SLC4A8: variants seen among roughly 807,000 people sequenced by gnomAD.
The protein encoded by SLC4A8 is solute carrier family 4 member 8.
Under a neutral mutation model 125.0 loss-of-function variants are expected in SLC4A8, and 40 were observed. The ratio of observed to expected loss-of-function variants is 0.32; its 90% CI spans 0.25 to 0.42. The LOEUF is 0.42. SLC4A8 is among the 10% of genes least tolerant of loss of function. The pLI, the probability that SLC4A8 is intolerant of heterozygous loss-of-function variation, is 1.00. For synonymous variants in SLC4A8, 456 were observed against 476.0 expected (o/e 0.96, Z 0.55); for missense variants, 863 against 1,355.1 (o/e 0.64, Z 5.70).
chr12:51,430,360 G>A (rs1466901976), intron 1 of SLC4A8, among the ~76,000 whole-genome samples: 3 of 152,068 alleles, frequency 2.0e-5, no homozygotes, highest in Non-Finnish European at 4.4e-5. Flanking sequence ...TACAGGGAGT[G>A]CGTCAACTTT....
In SLC4A8 at chr12:51,403,536, T is replaced by C. The variant is rs540811549; in HGVS notation, c.-112+12048T>C. Among the ~76,000 whole-genome samples, 3 of 152,252 alleles carry C rather than the reference T, an allele frequency of 2.0e-5. No individual in the cohort carries two copies. In the South Asian group the frequency reaches 6.2e-4, roughly 32 times the overall value. On this transcript the variant is annotated intron_variant, in intron 1 of 24. Coordinates refer to the SLC4A8 transcript ENST00000358657. ...TGAAACAAGGGTACATTTAGGTGGG[T>C]GGCTGCTGCTTCCCATGGCCTCTTG... is the stretch of plus-strand genomic sequence containing the variant.
intron 4 of SLC4A8, 36 bp from the exon 5 acceptor site, chr12:51,453,503 C>G (rs1565787231): frequency 1.2e-6 from 2 of 1,601,420 alleles, no homozygotes; most frequent in East Asian, 4.5e-5. Context: ...TCCTCATTTT[C>G]TATCTTTGGC....
chr12:51,428,452 T>C (rs2138051346), intron 1 of SLC4A8, among the ~76,000 whole-genome samples: 1 of 152,276 alleles, frequency 6.6e-6, no homozygotes, highest in Middle Eastern at 3.4e-3. Flanking sequence ...CAAGGTCTAG[T>C]CAGGATTGGC....
chr12:51,465,732 G>A (rs992933709), intron 11 of SLC4A8, among the ~76,000 whole-genome samples: 2 of 152,160 alleles, frequency 1.3e-5, no homozygotes, highest in Non-Finnish European at 2.9e-5. Context: ...AGGGCCTCAA[G>A]CCATATGACC....
chr12:51,481,854 G>A (rs1227267667), intron 16 of SLC4A8, among the ~76,000 whole-genome samples: 1 of 152,036 alleles, frequency 6.6e-6, no homozygotes, highest in Non-Finnish European at 1.5e-5. Flanking sequence ...CAGGAAGGCT[G>A]AGGTGGAAGG....
rs1378111907 is a variant in SLC4A8 at position 51,425,314 on chromosome 12, C to T, written c.48+279C>T. ...GCCCTGACAGCCGGCGGGCGGCGAC[C>T]TCTTGTTCTCCTCGCGTCTTTCTGT... On this transcript the variant is annotated intron_variant, in intron 1 of 24. Transcript: ENST00000453097. 12 of 1,269,216 alleles carry T rather than the reference C, an allele frequency of 9.5e-6. No homozygotes were observed. In the South Asian group the frequency reaches 2.2e-4, roughly 23 times the overall value. 78.6% of individuals were successfully genotyped at this position (1,269,216 alleles called of 1,614,324 possible).
rs577020397 is a variant in SLC4A8 at position 51,440,254 on chromosome 12, A to T, written c.49-454A>T. The stretch of plus-strand genomic sequence containing the variant: ...AGTGGGGAGGTGGAAAAGGCATGAG[A>T]TTTACAGCCACAAGACCTGGGCTCA... On this transcript the variant is annotated intron_variant, in intron 1 of 24. Coordinates refer to ENST00000453097, the MANE Select transcript of SLC4A8 (RefSeq NM_001039960.3). Among the ~76,000 whole-genome samples, 4 of 152,220 alleles carry T rather than the reference A, an allele frequency of 2.6e-5. No individual in the cohort carries two copies. The East Asian group carries it at 7.7e-4, about 29-fold the overall frequency.
In SLC4A8 at chr12:51,507,439, G is replaced by C. The variant is rs1474152958; in HGVS notation, c.*1G>C. The C allele has an allele frequency of 7.2e-7, 1 of 1,394,128 alleles. No individual in the cohort carries two copies. The highest frequency in any genetic ancestry group is 1.5e-5 in the African/African-American group (1 of 68,118). 86.4% of individuals were successfully genotyped at this position (1,394,128 alleles called of 1,614,324 possible). Reference sequence around the variant, plus strand: ...ACTTTTATTCAGTCTCTTCAACTAAGAGTCTTTGCTGGGATGGAAGATTTG... The same window carrying C: ...ACTTTTATTCAGTCTCTTCAACTAACAGTCTTTGCTGGGATGGAAGATTTG... On this transcript the variant is annotated 3_prime_UTR_variant, in exon 25 of 25. Coordinates refer to ENST00000453097, the MANE Select transcript of SLC4A8 (RefSeq NM_001039960.3).
At chr12:51,472,048 A>G (rs761391755) in intron 14 of SLC4A8, among the ~76,000 whole-genome samples, 3 of 152,210 alleles carry the variant, frequency 2.0e-5, no homozygotes, top group African/African-American at 7.2e-5. Context: ...ATAAAGATCC[A>G]GGAGCCTACT....
intron 16 of SLC4A8, among the ~76,000 whole-genome samples, chr12:51,478,944 A>ACC (rs1950938685): frequency 6.6e-6 from 1 of 151,448 alleles, no homozygotes; most frequent in African/African-American, 2.4e-5. Flanking sequence ...CCTGTGCCTC[A>ACC]TCTGCACAAT....
intron 7 of SLC4A8, 33 bp downstream of exon 7, chr12:51,458,683 C>T (rs993472898): frequency 1.4e-6 from 2 of 1,427,604 alleles, no homozygotes; most frequent in Non-Finnish European, 2.0e-6. Flanking sequence ...GGCTTCAAGG[C>T]CTAAGGTTCC....
chr12:51,477,194 A>G (rs1039676616), intron 16 of SLC4A8, among the ~76,000 whole-genome samples: 1 of 152,148 alleles, frequency 6.6e-6, no homozygotes, highest in African/African-American at 2.4e-5. Flanking sequence ...GTGAGCCACC[A>G]TGCCCAACCA....
At position 51,493,713 on chromosome 12, in the gene SLC4A8, A is replaced by G. The variant is rs770821198; in HGVS notation, c.2710A>G (p.Met904Val). ...GTCCTTTTGTCTTCAGTTTATTCCAATGCCAGTACTCTACGGAGTTTTCCT... is the reference window on the plus strand; with the variant it reads ...GTCCTTTTGTCTTCAGTTTATTCCAGTGCCAGTACTCTACGGAGTTTTCCT... ...FMTAILKFIP[M>V]PVLYGVFLYM... The change falls in exon 20 of 25, where the codon ATG becomes GTG. Residue 904 changes from methionine (M) to valine (V), a missense_variant. By Grantham distance (21) the Met-to-Val change is conservative. Transcript: ENST00000453097. The G allele has an allele frequency of 6.2e-7, 1 of 1,607,812 alleles. No homozygotes were observed. The highest frequency in any genetic ancestry group is 1.7e-5 in the Admixed American group (1 of 59,998).
chr12:51,424,433 G>C (rs565006578), upstream of SLC4A8: 1 of 152,748 alleles, frequency 6.5e-6, no homozygotes, highest in Non-Finnish European at 1.5e-5. Context: ...CTGGCCATTA[G>C]CTCAAGGAAA....
At chr12:51,430,290 G>T (rs967432984) in intron 1 of SLC4A8, among the ~76,000 whole-genome samples, 1 of 152,154 alleles carries the variant, frequency 6.6e-6, no homozygotes, top group Non-Finnish European at 1.5e-5. Flanking sequence ...CTAGTGCCCA[G>T]TGACTGTGGC....
chr12:51,441,727 T>C (rs1484639878), intron 2 of SLC4A8, among the ~76,000 whole-genome samples: 1 of 152,252 alleles, frequency 6.6e-6, no homozygotes, highest in African/African-American at 2.4e-5. Flanking sequence ...CTGTACTGCC[T>C]GTTCCCGTGA....
intron 1 of SLC4A8, among the ~76,000 whole-genome samples, chr12:51,395,675 C>T (rs1183348365): frequency 6.6e-6 from 1 of 152,128 alleles, no homozygotes; most frequent in Admixed American, 6.5e-5. Flanking sequence ...CGTGAACTTG[C>T]CAAGGAGGTT....
intron 16 of SLC4A8, chr12:51,480,251 G>T: frequency 6.3e-6 from 8 of 1,268,490 alleles, no homozygotes; most frequent in Non-Finnish European, 8.2e-6. Flanking sequence ...CTTTATTTCA[G>T]ATTGAGAGTT....
intron 1 of SLC4A8, among the ~76,000 whole-genome samples, chr12:51,398,133 A>G (rs1237275810): frequency 6.6e-6 from 1 of 152,186 alleles, no homozygotes; most frequent in African/African-American, 2.4e-5. Context: ...CTGTAACTGC[A>G]GTCTGAGCCC....
Sources: allele counts gnomAD v4.1 joint callset (sites outside exome capture counted in the v4.1 genomes callset), GRCh38; gene constraint gnomAD v4.1.1; transcripts MANE v1.5; gene names NCBI Gene and HGNC (gene_info 2026-07-23, HGNC 2026-07-21).